The following EFHC2 variants were observed in gnomAD, a reference collection of about 807,000 sequenced individuals.
EFHC2 encodes the protein EF-hand domain-containing family member C2.
EFHC2 carries 18 observed loss-of-function variants against 52.7 expected under a neutral mutation model. The observed-to-expected ratio is 0.34, with a 90% CI of 0.24 to 0.51. The LOEUF is 0.51. Ranked by LOEUF, EFHC2 falls within the 20% of genes least tolerant of loss-of-function variation. EFHC2 has a pLI of 0.97. For synonymous variants in EFHC2, 203 were observed against 204.1 expected (o/e 0.99, Z 0.04); for missense variants, 513 against 562.5 (o/e 0.91, Z 0.89).
intron 1 of EFHC2, among the ~76,000 whole-genome samples, chrX:44,331,615 T>C (rs2038087083): frequency 8.9e-6 from 1 of 112,118 alleles, no homozygotes; most frequent in Admixed American, 9.4e-5. Context: ...TGTGATATTA[T>C]ACTATAGCTT....
intron 11 of EFHC2, among the ~76,000 whole-genome samples, chrX:44,181,304 T>C: frequency 9.0e-6 from 1 of 110,887 alleles, no homozygotes; most frequent in Non-Finnish European, 1.9e-5. Context: ...TTTCCATTTT[T>C]TCTGAATTTT....
At chrX:44,305,825 G>T (rs1354241944) in intron 2 of EFHC2, among the ~76,000 whole-genome samples, 1 of 112,286 alleles carries the variant, frequency 8.9e-6, no homozygotes, top group Non-Finnish European at 1.9e-5. Context: ...GATAGCTGCT[G>T]TGCCCTAGGA....
chrX:44,168,350 G>A (rs746531055), intron 13 of EFHC2, among the ~76,000 whole-genome samples: 1 of 111,291 alleles, frequency 9.0e-6, no homozygotes, highest in East Asian at 2.8e-4. Context: ...GGCTAACACA[G>A]TGAAACCCCG....
intron 1 of EFHC2, among the ~76,000 whole-genome samples, chrX:44,319,789 TAAGTA>T (rs768859501): frequency 3.5e-4 from 39 of 112,327 alleles, no homozygotes; most frequent in African/African-American, 1.1e-3. Flanking sequence ...AGAGAGATAT[TAAGTA>T]AATAATGGAT....
At chrX:44,259,934 G>A (rs188193734) in intron 4 of EFHC2, among the ~76,000 whole-genome samples, 20 of 111,841 alleles carry the variant, frequency 1.8e-4, no homozygotes, top group Admixed American at 1.6e-3. Flanking sequence ...CTGGGGCTGG[G>A]AGGCAGGAAT....
chrX:44,308,505 G>A (rs1356703407), intron 2 of EFHC2, among the ~76,000 whole-genome samples: 13 of 110,816 alleles, frequency 1.2e-4, no homozygotes, highest in Admixed American at 1.2e-3. Context: ...AAAATGGAAC[G>A]GCTTCTCACA....
chrX:44,268,282 T>C (rs2037592275), intron 3 of EFHC2, among the ~76,000 whole-genome samples: 1 of 111,465 alleles, frequency 9.0e-6, no homozygotes, highest in Admixed American at 9.7e-5. Flanking sequence ...TATCTTCAGC[T>C]TGCCTTTGGA....
chrX:44,219,961 TG>T (rs2037181246), intron 11 of EFHC2, among the ~76,000 whole-genome samples: 1 of 111,797 alleles, frequency 8.9e-6, no homozygotes, highest in Non-Finnish European at 1.9e-5. Context: ...TCTGAAAAAC[TG>T]TTCCATAAGC....
At chrX:44,241,587 G>A (rs7051648) in intron 8 of EFHC2, among the ~76,000 whole-genome samples, 2,553 of 111,991 alleles carry the variant, frequency 0.023, 70 homozygotes, top group African/African-American at 0.079. Flanking sequence ...ATTTTGAAAC[G>A]GTTGGCAAGA....
chrX:44,204,544 G>A (rs2037032802), intron 11 of EFHC2, among the ~76,000 whole-genome samples: 1 of 111,258 alleles, frequency 9.0e-6, no homozygotes, highest in Non-Finnish European at 1.9e-5. Context: ...GAACCAAACA[G>A]AACTTTTGGA....
At chrX:44,170,137 C>A (rs772197822) in intron 13 of EFHC2, among the ~76,000 whole-genome samples, 22 of 111,184 alleles carry the variant, frequency 2.0e-4, no homozygotes, top group African/African-American at 6.5e-4. Context: ...GTGTAAAAAG[C>A]AGATGAGAGA....
intron 11 of EFHC2, among the ~76,000 whole-genome samples, chrX:44,199,840 C>T (rs1018716133): frequency 7.1e-5 from 8 of 111,892 alleles, no homozygotes; most frequent in Non-Finnish European, 1.3e-4. Context: ...TATGAGAAAA[C>T]ATCAGACAAC....
intron 1 of EFHC2, among the ~76,000 whole-genome samples, chrX:44,339,223 A>T (rs12688413): frequency 0.4 from 42,665 of 106,729 alleles, 6,720 homozygotes; most frequent in South Asian, 0.45. Flanking sequence ...TGAGCTCTTC[A>T]TCATTCATTA....
intron 1 of EFHC2, among the ~76,000 whole-genome samples, chrX:44,316,369 T>C (rs2037982947): frequency 8.9e-6 from 1 of 112,152 alleles, no homozygotes; most frequent in South Asian, 3.7e-4. Context: ...GTGAGAGACT[T>C]TGGGGACATG....
intron 2 of EFHC2, among the ~76,000 whole-genome samples, chrX:44,306,320 C>T (rs930184912): frequency 9.0e-6 from 1 of 111,168 alleles, no homozygotes; most frequent in African/African-American, 3.3e-5. Flanking sequence ...CAGTTTGGTT[C>T]GGTAACACTA....
In EFHC2 at chrX:44,248,888, C is replaced by A. The variant is rs1248274313; in HGVS notation, c.887G>T (p.Gly296Val). 1 of 1,202,710 alleles carries A rather than the reference C, an allele frequency of 8.3e-7. No individual in the cohort carries two copies. Among genetic ancestry groups the A allele is most frequent in the African/African-American group, 1.8e-5 (1 of 56,734 alleles). ...GAGAACTGCTCGATCTGTTATCTGG[C>A]CTGGTTGATAGACTCTAGGTGGGCA... The part of the protein sequence containing the change: ...KNCPPRVYQP[G>V]QITDRAVLNS... The change falls in exon 6 of 15, where the codon GGC becomes GTC. Residue 296 changes from glycine (G) to valine (V), a missense_variant. Transcript: ENST00000420999.
At position 44,261,099 on chromosome X, in the gene EFHC2, A is replaced by T; in HGVS notation, c.582T>A (p.Asp194Glu). The T allele has an allele frequency of 8.3e-7, 1 of 1,210,459 alleles. No homozygotes were observed. Among genetic ancestry groups the T allele is most frequent in the Non-Finnish European group, 1.1e-6 (1 of 894,600 alleles). ...CCTCTCTCCGAATCTTCATGTAAGG[A>T]TCTTCTGGACATTGCACTGGGGGAT... ...KVNPPVQCPE[D>E]PYMKIRREVV... The change falls in exon 4 of 15, where the codon GAT becomes GAA. Residue 194 changes from aspartate (D) to glutamate (E), a missense_variant. Physicochemically the swap from Asp to Glu is conservative, Grantham distance 45. Coordinates refer to ENST00000420999, the MANE Select transcript of EFHC2 (RefSeq NM_025184.4).
chrX:44,327,643 A>G (rs2147393906), intron 1 of EFHC2, among the ~76,000 whole-genome samples: 1 of 111,280 alleles, frequency 9.0e-6, no homozygotes, highest in East Asian at 2.8e-4. Context: ...AGAAAAAGTC[A>G]TTCAGCAGAT....
intron 14 of EFHC2, among the ~76,000 whole-genome samples, chrX:44,162,709 C>T (rs1487286661): frequency 9.0e-6 from 1 of 111,023 alleles, no homozygotes; most frequent in Non-Finnish European, 1.9e-5. Flanking sequence ...ACCTTGCTAA[C>T]TCTTACTACT....
Sources: allele counts gnomAD v4.1 joint callset (sites outside exome capture counted in the v4.1 genomes callset), GRCh38; gene constraint gnomAD v4.1.1; transcripts MANE v1.5; gene names NCBI Gene and HGNC (gene_info 2026-07-23, HGNC 2026-07-21).